Variants in ZNF831 observed in about 807,000 individuals in gnomAD.
ZNF831 encodes the protein chromosome 20 open reading frame 174.
In ZNF831, 59 loss-of-function variants were observed where a neutral mutation model predicts 95.8. The ratio of observed to expected loss-of-function variants is 0.62; its 90% CI spans 0.50 to 0.77. The LOEUF is 0.77. Among genes scored for constraint, ZNF831 ranks in the 30% least tolerant of loss-of-function variants. The probability of loss-of-function intolerance (pLI) is 0.00; values close to 1 mark genes in which losing one functional copy is unlikely to be tolerated. For missense variants in ZNF831, 2,205 were observed against 2,164.0 expected (o/e 1.02, Z -0.38); for synonymous variants, 961 against 925.5 (o/e 1.04, Z -0.70).
At chr20:59,172,899 G>A (rs958174636) in intron 1 of ZNF831, among the ~76,000 whole-genome samples, 34 of 152,308 alleles carry the variant, frequency 2.2e-4, no homozygotes, top group African/African-American at 7.7e-4. Context: ...CTCTTCTGGT[G>A]TGTGAGCCAT....
chr20:59,218,723 A>C (rs1226385950), intron 4 of ZNF831, among the ~76,000 whole-genome samples: 1 of 151,758 alleles, frequency 6.6e-6, no homozygotes, highest in South Asian at 2.1e-4. Flanking sequence ...GCACCTGTCC[A>C]TGTACTGAGG....
intron 1 of ZNF831, among the ~76,000 whole-genome samples, chr20:59,135,812 G>A (rs927139298): frequency 3.3e-5 from 5 of 152,156 alleles, no homozygotes; most frequent in Admixed American, 2.0e-4. Flanking sequence ...AAGTAATTGC[G>A]GTTTTTGCCA....
At chr20:59,135,073 G>A (rs116576646) in intron 1 of ZNF831, among the ~76,000 whole-genome samples, 43 of 152,132 alleles carry the variant, frequency 2.8e-4, no homozygotes, top group African/African-American at 9.4e-4. Flanking sequence ...AAGGAATAAC[G>A]ACTATTATTA....
intron 4 of ZNF831, among the ~76,000 whole-genome samples, chr20:59,214,608 G>C (rs764313233): frequency 6.6e-6 from 1 of 152,196 alleles, no homozygotes; most frequent in African/African-American, 2.4e-5. Flanking sequence ...TCTCACTTAG[G>C]AAGACAAGCT....
At chr20:59,132,699 C>A (rs1979385226) in intron 1 of ZNF831, among the ~76,000 whole-genome samples, 1 of 152,010 alleles carries the variant, frequency 6.6e-6, no homozygotes, top group Non-Finnish European at 1.5e-5. Context: ...TTTTTGTAAT[C>A]ACCAGATTGC....
chr20:59,240,659 G>A (rs992742197), intron 4 of ZNF831, among the ~76,000 whole-genome samples: 33 of 151,754 alleles, frequency 2.2e-4, no homozygotes, highest in Admixed American at 5.9e-4. Flanking sequence ...AAAATTAGCC[G>A]GGCGTGGTGG....
chr20:59,175,013 G>A (rs1453409739), intron 1 of ZNF831, among the ~76,000 whole-genome samples: 1 of 152,022 alleles, frequency 6.6e-6, no homozygotes, highest in Non-Finnish European at 1.5e-5. Context: ...TAAAATTTTG[G>A]GCTGACACTT....
chr20:59,166,582 TC>T (rs995751993), intron 1 of ZNF831, among the ~76,000 whole-genome samples: 10 of 151,754 alleles, frequency 6.6e-5, no homozygotes, highest in Non-Finnish European at 8.8e-5. Context: ...CCTCTCTCTC[TC>T]CCCCCCAACC....
intron 4 of ZNF831, among the ~76,000 whole-genome samples, chr20:59,235,107 T>C (rs1397118599): frequency 6.6e-6 from 1 of 152,094 alleles, no homozygotes; most frequent in Non-Finnish European, 1.5e-5. Context: ...TCAGGTGCCT[T>C]GTAGGATGTC....
chr20:59,207,117 A>T, intron 4 of ZNF831, 61 bp downstream of exon 4: 3 of 1,581,386 alleles, frequency 1.9e-6, no homozygotes, highest in Non-Finnish European at 2.6e-6. Flanking sequence ...CCCAAGGCAT[A>T]GACACTGGGG....
chr20:59,147,297 G>C (rs1458273290), intron 2 of ZNF831, among the ~76,000 whole-genome samples: 1 of 152,244 alleles, frequency 6.6e-6, no homozygotes, highest in Non-Finnish European at 1.5e-5. Flanking sequence ...TCACAGGCAT[G>C]TTCCATGCAC....
chr20:59,126,513 G>A (rs977676156), intron 1 of ZNF831, among the ~76,000 whole-genome samples: 2 of 152,174 alleles, frequency 1.3e-5, no homozygotes. Context: ...TTTAGAAAGA[G>A]CTCTCTGATC....
chr20:59,245,775 C>T (rs548777039), intron 4 of ZNF831, among the ~76,000 whole-genome samples: 20 of 152,310 alleles, frequency 1.3e-4, no homozygotes, highest in Middle Eastern at 3.4e-3. Context: ...ATTCTGTACA[C>T]GACCAAGCTT....
Position 59,257,283 on chromosome 20 carries a change from A to C in ZNF831, c.*2540A>C, listed in dbSNP as rs138728322. On this transcript the variant is annotated 3_prime_UTR_variant, in exon 6 of 6. Coordinates refer to ENST00000371030, the MANE Select transcript of ZNF831 (RefSeq NM_178457.3). ...AGTGGCTGGCAATGTTTACAAGTGT[A>C]CCTTACTTTATATCAACATGAATTT... is the stretch of plus-strand genomic sequence containing the variant. 3 of 152,324 alleles carry C rather than the reference A, an allele frequency of 2.0e-5. No individual in the cohort carries two copies. Among genetic ancestry groups the C allele is most frequent in the African/African-American group, 7.2e-5 (3 of 41,562 alleles). The allele number at this position is 152,324 out of a possible 1,614,324, so 9.4% of individuals were successfully genotyped here.
At chr20:59,186,159 C>G (rs943691147) in intron 1 of ZNF831, among the ~76,000 whole-genome samples, 4 of 152,216 alleles carry the variant, frequency 2.6e-5, no homozygotes, top group Non-Finnish European at 5.9e-5. Context: ...TCCAGTCACC[C>G]ACAGTGGGGA....
intron 1 of ZNF831, among the ~76,000 whole-genome samples, chr20:59,170,490 G>C (rs985873361): frequency 6.6e-6 from 1 of 152,190 alleles, no homozygotes; most frequent in African/African-American, 2.4e-5. Flanking sequence ...GTTGTCGTCA[G>C]AGAACATGCT....
chr20:59,239,593 A>C (rs536357541), intron 4 of ZNF831, among the ~76,000 whole-genome samples: 4 of 134,336 alleles, frequency 3.0e-5, no homozygotes, highest in Non-Finnish European at 6.1e-5. Context: ...TCTGTCGCCC[A>C]GGCTGGAGTA....
At chr20:59,212,823 T>C (rs193113344) in intron 4 of ZNF831, among the ~76,000 whole-genome samples, 1 of 152,362 alleles carries the variant, frequency 6.6e-6, no homozygotes. Flanking sequence ...TTCAATTCTC[T>C]CTCTCCTTGC....
Position 59,169,653 on chromosome 20 carries a change from C to G in ZNF831, c.-37+5446C>G, listed in dbSNP as rs1339612507. Among the ~76,000 whole-genome samples the G allele has an allele frequency of 6.6e-6, 1 of 152,078 alleles. No individual in the cohort carries two copies. The highest frequency in any genetic ancestry group is 1.5e-5 in the Non-Finnish European group (1 of 68,016). Reference sequence around the variant, plus strand: ...TGGTGGTGCGCACCTGTAATCCCAGCATGTTGCAAGCTGAGGCAGGAGGAT... The same window carrying G: ...TGGTGGTGCGCACCTGTAATCCCAGGATGTTGCAAGCTGAGGCAGGAGGAT... On this transcript the variant is annotated intron_variant, in intron 1 of 5. Transcript: ENST00000371030. The surrounding 1 kb of genome is among the most constrained non-coding windows in gnomAD (Gnocchi z 4.1).
Sources: gnomAD v4.1 joint callset for allele counts (sites outside exome capture counted in the v4.1 genomes callset) on GRCh38, gnomAD v4.1.1 for gene constraint, Gnocchi (gnomAD v3.1) non-coding constraint, MANE v1.5 for transcripts, NCBI Gene and HGNC (gene_info 2026-07-23, HGNC 2026-07-21) for gene names.